ACVR1C: variants seen among roughly 807,000 people sequenced by gnomAD.
The protein encoded by ACVR1C is activin A receptor type 1C.
A neutral mutation model predicts 57.9 loss-of-function variants in ACVR1C; 23 were observed. The observed-to-expected ratio is 0.40, with a 90% CI of 0.29 to 0.56. The LOEUF (loss-of-function observed/expected upper bound fraction) is 0.56. Ranked by LOEUF, ACVR1C falls within the 20% of genes least tolerant of loss-of-function variation. The pLI is 0.50. For synonymous variants in ACVR1C, 214 were observed against 215.3 expected, an observed-to-expected ratio of 0.99 and a Z score of 0.05; for missense variants, 480 against 607.9, an observed-to-expected ratio of 0.79 and a Z score of 2.21.
chr2:157,592,138 G>A (rs1459005077), intron 1 of ACVR1C, among the ~76,000 whole-genome samples: 1 of 151,946 alleles, frequency 6.6e-6, no homozygotes, highest in South Asian at 2.1e-4. Flanking sequence ...ATTTTCTGAG[G>A]GGACATGCAG....
At chr2:157,541,249 G>T in intron 6 of ACVR1C, 35 bp from the exon 7 acceptor site, 1 of 1,600,952 alleles carries the variant, frequency 6.2e-7, no homozygotes, top group South Asian at 1.1e-5. Context: ...TTCTGTCTAT[G>T]ACTTTATAGC....
intron 1 of ACVR1C, among the ~76,000 whole-genome samples, chr2:157,626,089 C>T (rs1366972905): frequency 6.6e-6 from 1 of 152,172 alleles, no homozygotes; most frequent in African/African-American, 2.4e-5. Flanking sequence ...CTCAGCCTCC[C>T]AAGTAGCTAG....
chr2:157,585,463 AG>A (rs888842517), intron 2 of ACVR1C, among the ~76,000 whole-genome samples: 3 of 152,170 alleles, frequency 2.0e-5, no homozygotes, highest in African/African-American at 7.2e-5. Context: ...TGGGCTGGGA[AG>A]GACCTACATT....
At chr2:157,598,542 GTT>G (rs201633186) in intron 1 of ACVR1C, among the ~76,000 whole-genome samples, 6 of 140,820 alleles carry the variant, frequency 4.3e-5, no homozygotes, top group African/African-American at 5.2e-5. Context: ...TCTTTTAATA[GTT>G]TTTTTTTTTT....
intron 4 of ACVR1C, among the ~76,000 whole-genome samples, chr2:157,545,439 T>A (rs1480675657): frequency 6.6e-6 from 1 of 152,184 alleles, no homozygotes; most frequent in Non-Finnish European, 1.5e-5. Context: ...TGATAAAATT[T>A]CCTAAGAATT....
chr2:157,592,788 CA>C (rs943599803), intron 1 of ACVR1C, among the ~76,000 whole-genome samples: 1 of 151,600 alleles, frequency 6.6e-6, no homozygotes, highest in Non-Finnish European at 1.5e-5. Flanking sequence ...TTGTCTCTTT[CA>C]AAAAAAACTG....
intron 2 of ACVR1C, among the ~76,000 whole-genome samples, chr2:157,562,034 C>T (rs1176437854): frequency 6.6e-5 from 10 of 152,072 alleles, no homozygotes; most frequent in African/African-American, 1.2e-4. Context: ...CGGTGGCTCA[C>T]GCCTGTAATC....
intron 1 of ACVR1C, among the ~76,000 whole-genome samples, chr2:157,604,855 T>TA (rs1214156100): frequency 6.6e-6 from 1 of 151,892 alleles, no homozygotes; most frequent in Admixed American, 6.6e-5. Context: ...TGTCTTCTCA[T>TA]TCTCTTAACA....
intron 3 of ACVR1C, among the ~76,000 whole-genome samples, chr2:157,553,821 C>T (rs1281232629): frequency 6.6e-6 from 1 of 152,074 alleles, no homozygotes; most frequent in Non-Finnish European, 1.5e-5. Flanking sequence ...GAAATCAGGG[C>T]ACAGTGGGCC....
chr2:157,534,748 A>T (rs1573899901), intron 8 of ACVR1C, among the ~76,000 whole-genome samples: 1 of 152,124 alleles, frequency 6.6e-6, no homozygotes, highest in Non-Finnish European at 1.5e-5. Context: ...ATACAGGAAA[A>T]CGCTGAAGCA....
intron 3 of ACVR1C, among the ~76,000 whole-genome samples, chr2:157,554,579 T>C (rs1688044740): frequency 6.6e-6 from 1 of 152,190 alleles, no homozygotes. Context: ...AAACATTTAG[T>C]CTTCGTCAGT....
chr2:157,591,850 C>T (rs553845739), intron 1 of ACVR1C, among the ~76,000 whole-genome samples: 1 of 152,110 alleles, frequency 6.6e-6, no homozygotes, highest in East Asian at 1.9e-4. Context: ...TCATACATAA[C>T]AAAATGAGGC....
chr2:157,554,268 A>AAAGGAAGGAAGGAAGG (rs1160617438), intron 3 of ACVR1C, among the ~76,000 whole-genome samples: 2 of 113,562 alleles, frequency 1.8e-5, no homozygotes, highest in African/African-American at 1.0e-4. Context: ...AGAAAGAAAG[A>AAAGGAAGGAAGGAAGG]AAGGAAGGAA....
chr2:157,554,789 T>C (rs902635189), intron 3 of ACVR1C, among the ~76,000 whole-genome samples: 2 of 152,158 alleles, frequency 1.3e-5, no homozygotes, highest in African/African-American at 2.4e-5. Context: ...CTTCAGAATG[T>C]TGGGCTACTA....
intron 2 of ACVR1C, among the ~76,000 whole-genome samples, chr2:157,577,303 T>C (rs932049284): frequency 5.3e-5 from 8 of 152,158 alleles, no homozygotes; most frequent in African/African-American, 1.2e-4. Flanking sequence ...CCCTGTATAT[T>C]CTCCTAATTT....
chr2:157,564,241 T>A (rs531296081), intron 2 of ACVR1C, among the ~76,000 whole-genome samples: 2 of 152,216 alleles, frequency 1.3e-5, no homozygotes, highest in Admixed American at 1.3e-4. Flanking sequence ...GTATCCAGAA[T>A]CTACAAGGAA....
At chr2:157,536,824 A>C (rs928737234) in intron 8 of ACVR1C, among the ~76,000 whole-genome samples, 1 of 152,154 alleles carries the variant, frequency 6.6e-6, no homozygotes, top group African/African-American at 2.4e-5. Flanking sequence ...ACAGAAACAA[A>C]ATACTGGACA....
At chr2:157,560,764 C>T (rs1374235074) in intron 2 of ACVR1C, among the ~76,000 whole-genome samples, 2 of 152,156 alleles carry the variant, frequency 1.3e-5, no homozygotes, top group African/African-American at 4.8e-5. Context: ...GCTATTTCTC[C>T]CCAGTTTGCA....
At position 157,554,284 on chromosome 2, in the gene ACVR1C, A is replaced by AAGGAAGGAAGG. The variant is rs1558975234; in HGVS notation, c.544+1808_544+1809insCCTTCCTTCCT. Among the ~76,000 whole-genome samples the AAGGAAGGAAGG allele has an allele frequency of 6.9e-4, 79 of 114,050 alleles. 6 individuals carry two copies. The highest frequency in any genetic ancestry group is 2.8e-3 in the African/African-American group (55 of 19,472). The allele number at this position is 114,050 out of a possible 152,430, so 74.8% of individuals were successfully genotyped here. ...GAAAGAAAGAAAGGAAGGAAGGAAG[A>AAGGAAGGAAGG]GAGAGAGAGAGAGAAAGAAAGAAAG... On this transcript the variant is annotated intron_variant, in intron 3 of 8. Coordinates refer to ENST00000243349, the MANE Select transcript of ACVR1C (RefSeq NM_145259.3).
Sources: gnomAD v4.1 joint callset for allele counts (sites outside exome capture counted in the v4.1 genomes callset) on GRCh38, gnomAD v4.1.1 for gene constraint, MANE v1.5 for transcripts, NCBI Gene and HGNC (gene_info 2026-07-23, HGNC 2026-07-21) for gene names.